The following GRXCR2 variants were observed in gnomAD, a reference collection of about 807,000 sequenced individuals.
GRXCR2 encodes the protein glutaredoxin and cysteine rich domain containing 2.
GRXCR2 carries 23 observed loss-of-function variants against 24.8 expected under a neutral mutation model. The ratio of observed to expected loss-of-function variants is 0.93; its 90% CI spans 0.67 to 1.32. GRXCR2 has a LOEUF of 1.32. Among genes scored for constraint, GRXCR2 ranks in the 40% most tolerant of loss-of-function variants. The pLI is 0.00. For missense variants in GRXCR2, 315 were observed against 303.4 expected, an observed-to-expected ratio of 1.04 and a Z score of -0.28; for synonymous variants, 130 against 116.1, an observed-to-expected ratio of 1.12 and a Z score of -0.77.
At chr5:145,862,982 A>G (rs749392549) in intron 2 of GRXCR2, among the ~76,000 whole-genome samples, 6 of 152,206 alleles carry the variant, frequency 3.9e-5, no homozygotes, top group African/African-American at 7.2e-5. Flanking sequence ...GATTATTGCT[A>G]TTATTTCAAA....
chr5:145,893,797 T>C (rs1168441757), intron 2 of GRXCR2, among the ~76,000 whole-genome samples: 2 of 152,122 alleles, frequency 1.3e-5, no homozygotes, highest in Non-Finnish European at 2.9e-5. Flanking sequence ...CAGACATCTA[T>C]AGAACTCTCC....
chr5:145,868,506 C>G (rs1451995034), intron 1 of GRXCR2, among the ~76,000 whole-genome samples: 1 of 152,142 alleles, frequency 6.6e-6, no homozygotes, highest in Non-Finnish European at 1.5e-5. Flanking sequence ...GCTTCCATTT[C>G]CTATTGTTTT....
In GRXCR2 at chr5:145,886,970, T is replaced by A. The variant is rs377491609; in HGVS notation, c.-69-20242A>T. On this transcript the variant is annotated intron_variant, in intron 2 of 3. Coordinates refer to the GRXCR2 transcript ENST00000639411. ...TAGAAGTATTTGATCTCTATTCAGATTTCATAAAATTTATATTGACACAGT... is the reference window on the plus strand; with the variant it reads ...TAGAAGTATTTGATCTCTATTCAGAATTCATAAAATTTATATTGACACAGT... 3.3e-5 allele frequency among the ~76,000 whole-genome samples: 5 copies of A among 152,348 alleles called. No homozygotes were observed. In the South Asian group the frequency reaches 1.0e-3, roughly 32 times the overall value.
intron 2 of GRXCR2, among the ~76,000 whole-genome samples, chr5:145,895,949 A>T (rs1756942377): frequency 6.6e-6 from 1 of 152,190 alleles, no homozygotes; most frequent in Admixed American, 6.5e-5. Context: ...GAACAATGGA[A>T]CAGAACAGAG....
chr5:145,865,112 T>C (rs973884066), intron 2 of GRXCR2, among the ~76,000 whole-genome samples: 8 of 152,176 alleles, frequency 5.3e-5, no homozygotes, highest in African/African-American at 1.4e-4. Context: ...GACCTTCTTG[T>C]TCTCATCATC....
intron 2 of GRXCR2, among the ~76,000 whole-genome samples, chr5:145,927,714 G>A (rs1267216782): frequency 2.0e-5 from 3 of 152,108 alleles, no homozygotes; most frequent in South Asian, 2.1e-4. Context: ...TCTCTGCCAG[G>A]CTTTGGTATC....
At chr5:145,908,915 C>T (rs1262858924) in intron 2 of GRXCR2, among the ~76,000 whole-genome samples, 1 of 152,156 alleles carries the variant, frequency 6.6e-6, no homozygotes, top group African/African-American at 2.4e-5. Flanking sequence ...GGCACTGACC[C>T]AAGACTTCTG....
At chr5:145,889,229 A>AAAGG (rs1756826853) in intron 2 of GRXCR2, among the ~76,000 whole-genome samples, 1 of 151,048 alleles carries the variant, frequency 6.6e-6, no homozygotes, top group Admixed American at 6.6e-5. Context: ...AGAAAGAAAG[A>AAAGG]AAGAAAGAAA....
At chr5:145,896,354 A>C (rs1756948596) in intron 2 of GRXCR2, among the ~76,000 whole-genome samples, 1 of 152,204 alleles carries the variant, frequency 6.6e-6, no homozygotes, top group Non-Finnish European at 1.5e-5. Flanking sequence ...CAACCTACAG[A>C]ATGGGAGAAA....
At chr5:145,905,368 G>A (rs1362856397) in intron 2 of GRXCR2, among the ~76,000 whole-genome samples, 3 of 152,190 alleles carry the variant, frequency 2.0e-5, no homozygotes, top group African/African-American at 7.2e-5. Context: ...AAATCCAAAT[G>A]TGTGCTATAC....
intron 2 of GRXCR2, among the ~76,000 whole-genome samples, chr5:145,909,376 T>C (rs1259647945): frequency 6.6e-6 from 1 of 151,646 alleles, no homozygotes; most frequent in Non-Finnish European, 1.5e-5. Context: ...GATTCGTCTA[T>C]TTTCAGCTTC....
intron 2 of GRXCR2, among the ~76,000 whole-genome samples, chr5:145,929,387 T>C (rs988409430): frequency 2.0e-5 from 3 of 151,866 alleles, no homozygotes; most frequent in Admixed American, 6.6e-5. Flanking sequence ...TGAGACCATA[T>C]TTTTAAGACT....
intron 2 of GRXCR2, among the ~76,000 whole-genome samples, chr5:145,878,915 C>T (rs1324335885): frequency 6.6e-6 from 1 of 152,108 alleles, no homozygotes; most frequent in Non-Finnish European, 1.5e-5. Flanking sequence ...AGAAAATTTT[C>T]AACCCAGAAT....
intron 2 of GRXCR2, among the ~76,000 whole-genome samples, chr5:145,918,636 C>A (rs1757276481): frequency 6.6e-6 from 1 of 152,206 alleles, no homozygotes; most frequent in East Asian, 1.9e-4. Flanking sequence ...TGCAAGCAGG[C>A]TTCAGCTGTG....
At chr5:145,921,413 T>A (rs1168058718) in intron 2 of GRXCR2, among the ~76,000 whole-genome samples, 1 of 152,176 alleles carries the variant, frequency 6.6e-6, no homozygotes, top group Non-Finnish European at 1.5e-5. Flanking sequence ...GCATCACCAG[T>A]CACCCCAGTC....
At chr5:145,883,511 G>T (rs1046021760) in intron 2 of GRXCR2, among the ~76,000 whole-genome samples, 2 of 152,102 alleles carry the variant, frequency 1.3e-5, no homozygotes, top group Admixed American at 6.5e-5. Flanking sequence ...AATGCGAAAA[G>T]AAATGACTTT....
chr5:145,900,215 T>A (rs1297167743), intron 2 of GRXCR2, among the ~76,000 whole-genome samples: 1 of 152,082 alleles, frequency 6.6e-6, no homozygotes, highest in African/African-American at 2.4e-5. Context: ...TCCCTCTTGC[T>A]GTTCTCCTGA....
intron 2 of GRXCR2, among the ~76,000 whole-genome samples, chr5:145,878,278 CA>C (rs1243649056): frequency 1.3e-5 from 2 of 152,028 alleles, no homozygotes; most frequent in Non-Finnish European, 2.9e-5. Context: ...AAACCCATTG[CA>C]AGGAAGATAA....
At chr5:145,925,211 A>G (rs1757374089) in intron 2 of GRXCR2, among the ~76,000 whole-genome samples, 1 of 152,220 alleles carries the variant, frequency 6.6e-6, no homozygotes, top group Non-Finnish European at 1.5e-5. Flanking sequence ...ATAAGATGGC[A>G]CCAGCCATCT....
Sources: gnomAD v4.1 joint callset for allele counts (sites outside exome capture counted in the v4.1 genomes callset) on GRCh38, gnomAD v4.1.1 for gene constraint, MANE v1.5 for transcripts, NCBI Gene and HGNC (gene_info 2026-07-23, HGNC 2026-07-21) for gene names.